SLIT2: variants seen among roughly 807,000 people sequenced by gnomAD.
SLIT2 encodes slit guidance ligand 2.
Under a neutral mutation model 185.7 loss-of-function variants are expected in SLIT2, and 41 were observed. The ratio of observed to expected loss-of-function variants is 0.22; its 90% CI spans 0.17 to 0.29. The LOEUF (loss-of-function observed/expected upper bound fraction) is 0.29. SLIT2 is among the 10% of genes least tolerant of loss of function. SLIT2 has a pLI of 1.00. For missense variants in SLIT2, 1,571 were observed against 1,909.0 expected, an observed-to-expected ratio of 0.82 and a Z score of 3.30; for synonymous variants, 693 against 680.2, an observed-to-expected ratio of 1.02 and a Z score of -0.29.
intron 4 of SLIT2, among the ~76,000 whole-genome samples, chr4:20,452,074 T>C (rs1712534743): frequency 6.6e-6 from 1 of 152,226 alleles, no homozygotes. Context: ...TGCAAAACTT[T>C]TTGTTCCACA....
intron 33 of SLIT2, among the ~76,000 whole-genome samples, chr4:20,606,130 A>G (rs1041685058): frequency 3.3e-5 from 5 of 152,228 alleles, no homozygotes; most frequent in Non-Finnish European, 7.3e-5. Context: ...AAAGACAGCA[A>G]GAAATACCAA....
chr4:20,329,219 C>T (rs182546601), intron 4 of SLIT2, among the ~76,000 whole-genome samples: 5 of 151,866 alleles, frequency 3.3e-5, no homozygotes, highest in South Asian at 2.1e-4. Flanking sequence ...GAAGGAAATA[C>T]GTAGATGAAA....
chr4:20,609,947 TA>T, intron 33 of SLIT2, 65 bp from the exon 34 acceptor site: 1 of 1,451,874 alleles, frequency 6.9e-7, no homozygotes, highest in Non-Finnish European at 9.3e-7. Context: ...TCAAAGTTTG[TA>T]ATTTAACTAC....
At chr4:20,321,305 C>A (rs1175528288) in intron 4 of SLIT2, among the ~76,000 whole-genome samples, 1 of 152,200 alleles carries the variant, frequency 6.6e-6, no homozygotes, top group Non-Finnish European at 1.5e-5. Context: ...TGCAGATTTT[C>A]CCACCACACT....
intron 4 of SLIT2, among the ~76,000 whole-genome samples, chr4:20,310,096 T>C (rs749251942): frequency 2.6e-5 from 4 of 152,136 alleles, no homozygotes; most frequent in Non-Finnish European, 4.4e-5. Flanking sequence ...GGTTCTATCT[T>C]CATCAGCTAC....
rs1198530698 is a variant in SLIT2, at chr4:20,406,041, A to G, written c.396-61711A>G. 4.9e-5 allele frequency among the ~76,000 whole-genome samples: 7 copies of G among 143,202 alleles called. 2 individuals are homozygous for G. Among genetic ancestry groups the G allele is most frequent in the Non-Finnish European group, 1.1e-4 (7 of 64,326 alleles). The allele number at this position is 143,202 out of a possible 152,430, so 93.9% of individuals were successfully genotyped here. On this transcript the variant is annotated intron_variant, in intron 4 of 36. Coordinates refer to ENST00000504154, the MANE Select transcript of SLIT2 (RefSeq NM_004787.4). ...TAATTCAGCCCTTGTATGATACTAC[A>G]GTCTCTTTCCCTGCCTTAAGGAAAT...
intron 28 of SLIT2, 95 bp from the exon 29 acceptor site, chr4:20,568,770 T>G: frequency 9.2e-7 from 1 of 1,090,684 alleles, no homozygotes; most frequent in East Asian, 2.4e-5. Flanking sequence ...GCTCTATGGT[T>G]GATGAGTGTA....
intron 4 of SLIT2, among the ~76,000 whole-genome samples, chr4:20,340,529 C>A (rs1401070252): frequency 6.6e-6 from 1 of 152,082 alleles, no homozygotes; most frequent in Non-Finnish European, 1.5e-5. Context: ...ATCCATGATA[C>A]CTGCCCTCAT....
At chr4:20,352,450 G>T (rs970619293) in intron 4 of SLIT2, among the ~76,000 whole-genome samples, 1 of 151,988 alleles carries the variant, frequency 6.6e-6, no homozygotes, top group East Asian at 1.9e-4. Context: ...TTGTTAATAC[G>T]TAACAACTAC....
At chr4:20,535,188 A>G (rs931639488) in intron 18 of SLIT2, among the ~76,000 whole-genome samples, 1 of 151,882 alleles carries the variant, frequency 6.6e-6, no homozygotes, top group Non-Finnish European at 1.5e-5. Flanking sequence ...AGTCCCAGCT[A>G]CTCGGGAGGC....
intron 26 of SLIT2, among the ~76,000 whole-genome samples, chr4:20,554,762 T>C (rs930363701): frequency 6.7e-6 from 1 of 149,664 alleles, no homozygotes; most frequent in Admixed American, 6.6e-5. Flanking sequence ...GCTTTTGTTT[T>C]GTTTTTTTTT....
intron 4 of SLIT2, among the ~76,000 whole-genome samples, chr4:20,463,448 G>GATATATATATAT (rs56256520): frequency 1.5e-3 from 99 of 67,276 alleles, no homozygotes; most frequent in South Asian, 3.4e-3. Flanking sequence ...CTCAAACTGT[G>GATATATATATAT]ATATATATAT....
chr4:20,302,586 A>T (rs1717159597), intron 4 of SLIT2, among the ~76,000 whole-genome samples: 1 of 152,094 alleles, frequency 6.6e-6, no homozygotes, highest in Non-Finnish European at 1.5e-5. Flanking sequence ...GTTCATGAGG[A>T]CTGTGGGAGG....
intron 4 of SLIT2, among the ~76,000 whole-genome samples, chr4:20,420,510 G>A (rs969538690): frequency 6.6e-6 from 1 of 151,992 alleles, no homozygotes; most frequent in African/African-American, 2.4e-5. Context: ...CCAATATTAG[G>A]TATCAAGTGT....
At chr4:20,492,924 T>G (rs2148799304) in intron 9 of SLIT2, among the ~76,000 whole-genome samples, 1 of 152,320 alleles carries the variant, frequency 6.6e-6, no homozygotes, top group African/African-American at 2.4e-5. Flanking sequence ...TGCTTAGAGC[T>G]TTGCAGTATA....
At chr4:20,389,598 T>A (rs550722627) in intron 4 of SLIT2, among the ~76,000 whole-genome samples, 1 of 152,128 alleles carries the variant, frequency 6.6e-6, no homozygotes, top group Non-Finnish European at 1.5e-5. Context: ...TAGTTTTTCC[T>A]TTTATAGTTT....
intron 26 of SLIT2, 46 bp from the exon 27 acceptor site, chr4:20,567,216 A>C: frequency 6.5e-7 from 1 of 1,550,336 alleles, no homozygotes; most frequent in Non-Finnish European, 8.8e-7. Context: ...AATTAAAAGT[A>C]AACTGGAAGA....
chr4:20,530,357 C>A (rs1721687014), intron 16 of SLIT2, among the ~76,000 whole-genome samples: 1 of 151,972 alleles, frequency 6.6e-6, no homozygotes, highest in Admixed American at 6.6e-5. Context: ...GTAGCCTTGG[C>A]CTCCTGGGCG....
At chr4:20,380,564 G>A (rs140310338) in intron 4 of SLIT2, among the ~76,000 whole-genome samples, 50 of 152,162 alleles carry the variant, frequency 3.3e-4, no homozygotes, top group African/African-American at 1.2e-3. Context: ...TGAGCTTGAT[G>A]AGGAGAAAAA....
Sources: allele counts gnomAD v4.1 joint callset (sites outside exome capture counted in the v4.1 genomes callset), GRCh38; gene constraint gnomAD v4.1.1; transcripts MANE v1.5; gene names NCBI Gene and HGNC (gene_info 2026-07-23, HGNC 2026-07-21).